Variants in TPST1 observed in about 807,000 individuals in gnomAD.
The protein encoded by TPST1 is tyrosylprotein sulfotransferase 1.
Under a neutral mutation model 34.8 loss-of-function variants are expected in TPST1, and 20 were observed. The ratio of observed to expected loss-of-function variants is 0.57; its 90% CI spans 0.40 to 0.84. The LOEUF is 0.84. Among genes scored for constraint, TPST1 ranks in the 40% least tolerant of loss-of-function variants. The probability of loss-of-function intolerance (pLI) is 0.00; values close to 1 mark genes in which losing one functional copy is unlikely to be tolerated. For synonymous variants in TPST1, 152 were observed against 159.4 expected, an observed-to-expected ratio of 0.95 and a Z score of 0.35; for missense variants, 353 against 455.5, an observed-to-expected ratio of 0.78 and a Z score of 2.05.
intron 2 of TPST1, among the ~76,000 whole-genome samples, chr7:66,268,494 C>T (rs1790635160): frequency 6.6e-6 from 1 of 152,074 alleles, no homozygotes; most frequent in Admixed American, 6.6e-5. Flanking sequence ...TGATATCTTA[C>T]AGAAAGGAGT....
chr7:66,231,335 CTGCCAG>C (rs1345634542), intron 1 of TPST1, among the ~76,000 whole-genome samples: 1 of 152,258 alleles, frequency 6.6e-6, no homozygotes, highest in Non-Finnish European at 1.5e-5. Flanking sequence ...GTGGAGCTGC[CTGCCAG>C]TCCCATGCTG....
chr7:66,264,300 T>A (rs1343664469), intron 2 of TPST1, among the ~76,000 whole-genome samples: 3 of 152,208 alleles, frequency 2.0e-5, no homozygotes, highest in African/African-American at 7.2e-5. Flanking sequence ...CTATGAGAGC[T>A]TTGAAAAGCT....
At chr7:66,217,441 C>CT (rs1351819722) in intron 1 of TPST1, among the ~76,000 whole-genome samples, 6 of 151,998 alleles carry the variant, frequency 3.9e-5, no homozygotes, top group Non-Finnish European at 8.8e-5. Context: ...TATAAAATGT[C>CT]TTTTTTGTCT....
chr7:66,226,157 G>T (rs2116317665), intron 1 of TPST1, among the ~76,000 whole-genome samples: 1 of 152,204 alleles, frequency 6.6e-6, no homozygotes, highest in East Asian at 1.9e-4. Flanking sequence ...AAAGTGCTGG[G>T]ATTACAGACG....
chr7:66,227,979 T>C (rs1789699977), intron 1 of TPST1, among the ~76,000 whole-genome samples: 1 of 152,210 alleles, frequency 6.6e-6, no homozygotes, highest in Admixed American at 6.5e-5. Flanking sequence ...AAATAAATGC[T>C]GGTAAATCCT....
At chr7:66,293,854 G>T (rs1791138072) in intron 3 of TPST1, among the ~76,000 whole-genome samples, 1 of 152,188 alleles carries the variant, frequency 6.6e-6, no homozygotes, top group Non-Finnish European at 1.5e-5. Context: ...CTGATTAAGA[G>T]AAAGTTGCTA....
chr7:66,255,145 CAAAAAAAA>C (rs35033344), intron 2 of TPST1, among the ~76,000 whole-genome samples: 1 of 78,518 alleles, frequency 1.3e-5, no homozygotes, highest in Non-Finnish European at 2.8e-5. Context: ...GACAACGTCT[CAAAAAAAA>C]AAAAAAAAAA....
chr7:66,297,539 T>TA (rs1217960104), intron 3 of TPST1, among the ~76,000 whole-genome samples: 8 of 152,238 alleles, frequency 5.3e-5, no homozygotes, highest in African/African-American at 1.7e-4. Context: ...TTGCTAAAGT[T>TA]AGAGAGCTGA....
chr7:66,323,247 G>T (rs1417181355), intron 3 of TPST1, among the ~76,000 whole-genome samples: 1 of 152,112 alleles, frequency 6.6e-6, no homozygotes, highest in Non-Finnish European at 1.5e-5. Flanking sequence ...CATCTATCCA[G>T]ACCAGGCTGG....
At chr7:66,225,668 A>C (rs1270777618) in intron 1 of TPST1, among the ~76,000 whole-genome samples, 5 of 152,252 alleles carry the variant, frequency 3.3e-5, no homozygotes, top group Non-Finnish European at 7.3e-5. Context: ...GTGTGTGTGC[A>C]TGCACACGCA....
chr7:66,212,988 T>C (rs1350014855), intron 1 of TPST1, among the ~76,000 whole-genome samples: 1 of 152,174 alleles, frequency 6.6e-6, no homozygotes, highest in East Asian at 1.9e-4. Flanking sequence ...GCTTTAGAGG[T>C]TTTTTCTTTG....
intron 3 of TPST1, among the ~76,000 whole-genome samples, chr7:66,328,859 G>GCTCTCT (rs755431410): frequency 0.032 from 580 of 18,306 alleles, 31 homozygotes; most frequent in African/African-American, 0.045. Flanking sequence ...TCTCTCTCCC[G>GCTCTCT]CTCTCTCTCT....
chr7:66,229,721 T>G (rs1256201781), intron 1 of TPST1, among the ~76,000 whole-genome samples: 1 of 152,224 alleles, frequency 6.6e-6, no homozygotes, highest in African/African-American at 2.4e-5. Context: ...ACAGTAGATA[T>G]ATCTATCATT....
intron 2 of TPST1, among the ~76,000 whole-genome samples, chr7:66,263,065 A>G (rs778913218): frequency 1.3e-5 from 2 of 152,046 alleles, no homozygotes; most frequent in Non-Finnish European, 2.9e-5. Flanking sequence ...GTGCCACTGC[A>G]CTCCAGCCTG....
At chr7:66,207,310 CACTTA>C (rs151169218) in intron 1 of TPST1, among the ~76,000 whole-genome samples, 3,346 of 152,262 alleles carry the variant, frequency 0.022, 53 homozygotes, top group Middle Eastern at 0.041. Context: ...CTTATTTTGC[CACTTA>C]ACTTCACAGA....
intron 2 of TPST1, among the ~76,000 whole-genome samples, chr7:66,260,653 T>C (rs968496507): frequency 1.3e-5 from 2 of 152,206 alleles, no homozygotes; most frequent in East Asian, 1.9e-4. Flanking sequence ...TTTGTTTGTT[T>C]TATTTTTGTT....
At chr7:66,310,633 C>T (rs1791511154) in intron 3 of TPST1, among the ~76,000 whole-genome samples, 1 of 152,062 alleles carries the variant, frequency 6.6e-6, no homozygotes, top group Admixed American at 6.5e-5. Context: ...TCATTTCCAG[C>T]TCTGCCCTTG....
intron 3 of TPST1, among the ~76,000 whole-genome samples, chr7:66,338,028 C>A (rs542146722): frequency 6.6e-6 from 1 of 152,262 alleles, no homozygotes; most frequent in African/African-American, 2.4e-5. Flanking sequence ...GGATTAAATT[C>A]TTCAATTAAG....
upstream of TPST1, among the ~76,000 whole-genome samples, chr7:66,201,520 G>C (rs964438758): frequency 6.6e-6 from 1 of 152,006 alleles, no homozygotes; most frequent in East Asian, 1.9e-4. Context: ...GTGAAACCCT[G>C]TCTCTACTAA....
Sources: gnomAD v4.1 joint callset for allele counts (sites outside exome capture counted in the v4.1 genomes callset) on GRCh38, gnomAD v4.1.1 for gene constraint, MANE v1.5 for transcripts, NCBI Gene and HGNC (gene_info 2026-07-23, HGNC 2026-07-21) for gene names.